The following FAM83F variants were observed in gnomAD, a reference collection of about 807,000 sequenced individuals.
The protein encoded by FAM83F is scaffolding CK1 anchoring protein F, also known as protein FAM83F.
In FAM83F, 45 loss-of-function variants were observed where a neutral mutation model predicts 42.9. The observed-to-expected ratio is 1.05, with a 90% CI of 0.83 to 1.35. FAM83F has a LOEUF of 1.35. Among genes scored for constraint, FAM83F ranks in the 40% most tolerant of loss-of-function variants. The probability of loss-of-function intolerance (pLI) is 0.00; values close to 1 mark genes in which losing one functional copy is unlikely to be tolerated. For missense variants in FAM83F, 617 were observed against 695.9 expected (o/e 0.89, Z 1.28); for synonymous variants, 306 against 298.3 (o/e 1.03, Z -0.27).
chr22:40,024,583 C>T (rs1453288869), intron 4 of FAM83F, among the ~76,000 whole-genome samples: 1 of 152,234 alleles, frequency 6.6e-6, no homozygotes, highest in East Asian at 1.9e-4. Context: ...GGACACATTG[C>T]TCCCTGTACC....
rs1270690802 is a variant in FAM83F, at chr22:40,019,361, G to A, written c.657+26G>A. The A allele has an allele frequency of 3.1e-6, 5 of 1,607,058 alleles. No individual in the cohort carries two copies. The Admixed American group carries it at 6.7e-5, about 21-fold the overall frequency. On this transcript the variant is annotated intron_variant, in intron 2 of 4. Transcript: ENST00000333407. ...GTAAGTTGCACCACTGGGGTGGAAA[G>A]TGGACAGGAGATGAGACAGAGACTA... is the stretch of plus-strand genomic sequence containing the variant.
chr22:40,000,632 A>G (rs775835669), intron 1 of FAM83F, among the ~76,000 whole-genome samples: 1 of 147,372 alleles, frequency 6.8e-6, no homozygotes. Flanking sequence ...TTTAAAAAGT[A>G]TGTAATTTTT....
intron 4 of FAM83F, among the ~76,000 whole-genome samples, chr22:40,026,652 C>T (rs1055899161): frequency 1.3e-5 from 2 of 152,198 alleles, no homozygotes; most frequent in African/African-American, 2.4e-5. Flanking sequence ...CAGAGTGCCT[C>T]GGGGTCCTTT....
At chr22:40,011,678 T>G (rs761257134) in intron 1 of FAM83F, among the ~76,000 whole-genome samples, 1 of 152,244 alleles carries the variant, frequency 6.6e-6, no homozygotes, top group African/African-American at 2.4e-5. Context: ...TTATCCAAGT[T>G]ACGGCACATG....
intron 1 of FAM83F, among the ~76,000 whole-genome samples, chr22:39,996,124 A>G (rs2067372648): frequency 6.6e-6 from 1 of 152,138 alleles, no homozygotes; most frequent in Non-Finnish European, 1.5e-5. Flanking sequence ...TTGAGGACCT[A>G]CTGTGTGCCT....
chr22:40,027,224 C>A (rs1050539205), intron 4 of FAM83F, among the ~76,000 whole-genome samples: 1 of 152,148 alleles, frequency 6.6e-6, no homozygotes, highest in Non-Finnish European at 1.5e-5. Context: ...CTGTGGACAT[C>A]TGAGGGAAGA....
intron 4 of FAM83F, among the ~76,000 whole-genome samples, chr22:40,029,066 G>T (rs1297622039): frequency 1.3e-5 from 2 of 148,702 alleles, no homozygotes; most frequent in African/African-American, 5.0e-5. Context: ...GTAGTGAGCG[G>T]CCTCTTGGCT....
rs1166871691 is a variant in FAM83F at position 40,042,783 on chromosome 22, C to A, written c.*13218C>A. ...GAAACCATCTGCTTCAAGGTACTTA[C>A]AACTGAAATGTATCAAACAATTACC... On this transcript the variant is annotated 3_prime_UTR_variant, in exon 5 of 5. Transcript: ENST00000333407. 1 of 152,208 alleles carries A rather than the reference C, an allele frequency of 6.6e-6. No homozygotes were observed. The highest frequency in any genetic ancestry group is 2.4e-5 in the African/African-American group (1 of 41,448). 9.4% of individuals were successfully genotyped at this position (152,208 alleles called of 1,614,324 possible).
chr22:40,024,295 C>T (rs1407113700), intron 4 of FAM83F, among the ~76,000 whole-genome samples: 1 of 152,176 alleles, frequency 6.6e-6, no homozygotes, highest in Non-Finnish European at 1.5e-5. Context: ...CCGCGCCTGG[C>T]CAGGAGCTCC....
intron 4 of FAM83F, among the ~76,000 whole-genome samples, chr22:40,024,141 A>G (rs752285632): frequency 6.6e-6 from 1 of 152,178 alleles, no homozygotes; most frequent in Non-Finnish European, 1.5e-5. Flanking sequence ...CTGGGCTCAC[A>G]GGTGTGTGCC....
intron 1 of FAM83F, among the ~76,000 whole-genome samples, chr22:40,015,566 G>T (rs12166778): frequency 0.011 from 1,670 of 152,238 alleles, 25 homozygotes; most frequent in African/African-American, 0.038. Context: ...CTGGGCAGAC[G>T]CAGCTCCCAC....
chr22:40,018,750 C>T (rs1601769447), intron 1 of FAM83F, among the ~76,000 whole-genome samples: 1 of 152,262 alleles, frequency 6.6e-6, no homozygotes, highest in East Asian at 1.9e-4. Context: ...CGCTACCATG[C>T]CCAGCCCATT....
At chr22:40,007,977 G>A (rs113479582) in intron 1 of FAM83F, among the ~76,000 whole-genome samples, 8 of 152,302 alleles carry the variant, frequency 5.3e-5, no homozygotes, top group East Asian at 1.9e-4. Flanking sequence ...CTGGTTCCCC[G>A]CAGCCTGCCT....
chr22:40,008,518 T>A (rs1356091476), intron 1 of FAM83F, among the ~76,000 whole-genome samples: 1 of 152,176 alleles, frequency 6.6e-6, no homozygotes, highest in Non-Finnish European at 1.5e-5. Flanking sequence ...GATGACTCAC[T>A]CCAAGCCAAA....
At chr22:39,996,791 A>G (rs1489062433) in intron 1 of FAM83F, among the ~76,000 whole-genome samples, 1 of 152,196 alleles carries the variant, frequency 6.6e-6, no homozygotes, top group East Asian at 1.9e-4. Flanking sequence ...TCCACTGCGC[A>G]CATTTCTACC....
chr22:40,010,598 C>T lies in FAM83F; in HGVS notation c.490-8570C>T, dbSNP rs1267497030. ...AGGTGGGGCTAGGACAGGCCAGCTT[C>T]CCTGCTTAATTTTTCAACCACAAAG... On this transcript the variant is annotated intron_variant, in intron 1 of 4. Transcript: ENST00000333407. 2.6e-5 allele frequency among the ~76,000 whole-genome samples: 4 copies of T among 152,194 alleles called. No homozygotes were observed. The East Asian group carries it at 7.7e-4, about 29-fold the overall frequency.
rs1393575393 is a variant in FAM83F, at chr22:40,036,928, G to C, written c.*7363G>C. 1 of 152,290 alleles carries C rather than the reference G, an allele frequency of 6.6e-6. No homozygotes were observed. The highest frequency in any genetic ancestry group is 1.5e-5 in the Non-Finnish European group (1 of 68,092). The allele number at this position is 152,290 out of a possible 1,614,324, so 9.4% of individuals were successfully genotyped here. A position where few individuals can be genotyped will look rare whatever the true frequency, so the allele number is the denominator to read the frequency against. On this transcript the variant is annotated 3_prime_UTR_variant, in exon 5 of 5. Transcript: ENST00000333407. ...TGGCGGGCCAAAAAGTGAACATTCA[G>C]TGTGTCTGTTGCAGCTACTGTCATA...
chr22:40,010,306 G>GGA (rs978496666), intron 1 of FAM83F, among the ~76,000 whole-genome samples: 47 of 152,292 alleles, frequency 3.1e-4, no homozygotes, highest in African/African-American at 1.1e-3. Flanking sequence ...AGACCCAAGC[G>GGA]GAGAGACTGG....
Position 40,042,109 on chromosome 22 carries a change from G to A in FAM83F, c.*12544G>A, listed in dbSNP as rs886762532. The A allele has an allele frequency of 2.6e-5, 4 of 152,052 alleles. No individual in the cohort carries two copies. Among genetic ancestry groups the A allele is most frequent in the Non-Finnish European group, 5.9e-5 (4 of 68,010 alleles). 9.4% of individuals were successfully genotyped at this position (152,052 alleles called of 1,614,324 possible). A position where few individuals can be genotyped will look rare whatever the true frequency, so the allele number is the denominator to read the frequency against. On this transcript the variant is annotated 3_prime_UTR_variant, in exon 5 of 5. Transcript: ENST00000333407. ...GCTCCTGGCCTCAAGCAATCCTTCCGCCTTGGCCTCTCAAATTGCTGGGAT... is the reference window on the plus strand; with the variant it reads ...GCTCCTGGCCTCAAGCAATCCTTCCACCTTGGCCTCTCAAATTGCTGGGAT...
Sources: gnomAD v4.1 joint callset for allele counts (sites outside exome capture counted in the v4.1 genomes callset) on GRCh38, gnomAD v4.1.1 for gene constraint, MANE v1.5 for transcripts, NCBI Gene and HGNC (gene_info 2026-07-23, HGNC 2026-07-21) for gene names.